The following FAM200B variants were observed in gnomAD, a reference collection of about 807,000 sequenced individuals.
FAM200B encodes zinc finger BED-type containing 11.
In FAM200B, 32 loss-of-function variants were observed where a neutral mutation model predicts 33.1. The observed-to-expected ratio is 0.97, with a 90% CI of 0.73 to 1.30. The LOEUF (loss-of-function observed/expected upper bound fraction) is 1.30, where lower values mean the gene tolerates loss of function less well. FAM200B is among the 50% of genes most tolerant of loss of function. The pLI, the probability that FAM200B is intolerant of heterozygous loss-of-function variation, is 0.00. For synonymous variants in FAM200B, 240 were observed against 264.8 expected (o/e 0.91, Z 0.91); for missense variants, 741 against 754.0 (o/e 0.98, Z 0.20).
In FAM200B at chr4:15,688,498, G is replaced by A; in HGVS notation, c.1521G>A (p.Glu507=). The A allele has an allele frequency of 1.3e-6, 2 of 1,541,022 alleles. No individual in the cohort carries two copies. The highest frequency in any genetic ancestry group is 1.8e-6 in the Non-Finnish European group (2 of 1,138,756). The part of the protein sequence containing the change: ...NENILKEIKL[E]ILLHLTSLSQ... The stretch of plus-strand genomic sequence containing the variant: ...ACATTTTGAAAGAAATAAAATTAGA[G>A]ATATTGTTGCATCTCACTTCTCTGT... The change falls in exon 2 of 2, where the codon GAG becomes GAA. Residue 507 remains glutamate (E), a synonymous_variant. Coordinates refer to ENST00000422728, the MANE Select transcript of FAM200B (RefSeq NM_001145191.2).
chr4:15,647,249 A>C, the FAM200B span, among the ~76,000 whole-genome samples: 2 of 114,260 alleles, frequency 1.8e-5, no homozygotes, highest in Non-Finnish European at 3.4e-5. Context: ...AAAAAGAAAG[A>C]AAATGTTGAA....
the FAM200B span, among the ~76,000 whole-genome samples, chr4:15,654,594 G>C: frequency 2.0e-5 from 3 of 152,362 alleles, 1 homozygote; most frequent in Non-Finnish European, 4.4e-5. Context: ...CACATGAAGA[G>C]TGAAGGTTCT....
At position 15,687,589 on chromosome 4, in the gene FAM200B, T is replaced by C. The variant is rs534670719; in HGVS notation, c.612T>C (p.Ile204=). The C allele has an allele frequency of 6.4e-7, 1 of 1,550,864 alleles. No individual in the cohort carries two copies. The highest frequency in any genetic ancestry group is 1.4e-5 in the African/African-American group (1 of 73,148). The change falls in exon 2 of 2, where the codon ATT becomes ATC. Residue 204 remains isoleucine, a synonymous_variant. Coordinates refer to ENST00000422728, the MANE Select transcript of FAM200B (RefSeq NM_001145191.2). ...ATGATAACACAGTATCTCTTCGAAT[T>C]TGTACTATTGCAGAACATTTAGAAA... ...IPNDNTVSLR[I]CTIAEHLETM...
At chr4:15,679,148 C>T (rs963605709), upstream of FAM200B, among the ~76,000 whole-genome samples, 2 of 151,044 alleles carry the variant, frequency 1.3e-5, no homozygotes, top group East Asian at 1.9e-4. Context: ...CTGCAACCTC[C>T]GCCTCCTGGG....
chr4:15,640,940 T>C, the FAM200B span: 1 of 956,228 alleles, frequency 1.0e-6, no homozygotes, highest in South Asian at 1.7e-5. Context: ...TAATTATGTC[T>C]GGTCCCAGGA....
At position 15,689,389 on chromosome 4, in the gene FAM200B, G is replaced by C. The variant is rs1719199257; in HGVS notation, c.*438G>C. ...CAGTGGACTAGAGAACAGTTGAAGG[G>C]TTTAAGCGAAGGAGAGAAATGATCT... On this transcript the variant is annotated 3_prime_UTR_variant, in exon 2 of 2. Transcript: ENST00000422728. 6.0e-6 allele frequency: 1 copy of C among 167,718 alleles called. No individual in the cohort carries two copies. The allele number at this position is 167,718 out of a possible 1,614,324, so 10.4% of individuals were successfully genotyped here. A position where few individuals can be genotyped will look rare whatever the true frequency, so the allele number is the denominator to read the frequency against.
At chr4:15,637,491 G>A in the FAM200B span, among the ~76,000 whole-genome samples, 1 of 152,102 alleles carries the variant, frequency 6.6e-6, no homozygotes, top group African/African-American at 2.4e-5. Flanking sequence ...CTTAAATATA[G>A]AAATGCTATG....
chr4:15,655,438 G>A, the FAM200B span: 7 of 982,670 alleles, frequency 7.1e-6, no homozygotes, highest in African/African-American at 3.6e-5. Flanking sequence ...GGACGCGGGG[G>A]CGCGCAGGCC....
chr4:15,687,302 A>T lies in FAM200B; in HGVS notation c.325A>T (p.Thr109Ser). The T allele has an allele frequency of 6.5e-7, 1 of 1,546,458 alleles. No homozygotes were observed. Among genetic ancestry groups the T allele is most frequent in the Non-Finnish European group, 8.7e-7 (1 of 1,143,924 alleles). Residue 109 changes from threonine to serine, a missense_variant, in exon 2 of 2, where the codon ACT (threonine) becomes TCT (serine). Coordinates refer to ENST00000422728, the MANE Select transcript of FAM200B (RefSeq NM_001145191.2). ...KPSKLKRHLETQHAELIDKPL... is the reference protein window; with the variant it reads ...KPSKLKRHLESQHAELIDKPL... The stretch of plus-strand genomic sequence containing the variant: ...TTCGAAATTAAAAAGGCACTTAGAA[A>T]CTCAGCATGCTGAACTTATTGATAA...
chr4:15,645,247 T>A, the FAM200B span, among the ~76,000 whole-genome samples: 3 of 152,106 alleles, frequency 2.0e-5, no homozygotes, highest in Non-Finnish European at 1.5e-5. Flanking sequence ...ACAGATGACA[T>A]AGAAGCTCCT....
chr4:15,643,637 C>T, the FAM200B span, among the ~76,000 whole-genome samples: 6 of 152,168 alleles, frequency 3.9e-5, no homozygotes, highest in African/African-American at 2.4e-5. Flanking sequence ...GAACTCCTGA[C>T]CTCAAGTGAT....
chr4:15,644,779 A>G, the FAM200B span: 1 of 1,103,402 alleles, frequency 9.1e-7, no homozygotes, highest in Non-Finnish European at 1.3e-6. Context: ...ATATTCAAAT[A>G]CATCCCTATT....
At chr4:15,672,544 T>C in the FAM200B span, among the ~76,000 whole-genome samples, 1 of 152,172 alleles carries the variant, frequency 6.6e-6, no homozygotes, top group Admixed American at 6.5e-5. Flanking sequence ...TATCTAAACA[T>C]AGAAAAGTTA....
chr4:15,646,620 T>C, the FAM200B span, among the ~76,000 whole-genome samples: 2 of 152,096 alleles, frequency 1.3e-5, no homozygotes, highest in Non-Finnish European at 2.9e-5. Flanking sequence ...TATGTATACA[T>C]GTGCCATGTT....
the FAM200B span, among the ~76,000 whole-genome samples, chr4:15,646,594 G>A: frequency 7.2e-5 from 11 of 151,796 alleles, no homozygotes; most frequent in South Asian, 2.1e-4. Context: ...TGTGCACAAC[G>A]TGCAGGTTTG....
intron 1 of FAM200B, among the ~76,000 whole-genome samples, chr4:15,683,981 A>T (rs1017773339): frequency 6.6e-6 from 1 of 152,254 alleles, no homozygotes; most frequent in African/African-American, 2.4e-5. Context: ...ATATCATATA[A>T]CCGTGTTAAT....
At chr4:15,637,125 C>A in the FAM200B span, among the ~76,000 whole-genome samples, 1 of 152,190 alleles carries the variant, frequency 6.6e-6, no homozygotes, top group Non-Finnish European at 1.5e-5. Context: ...ATTATGACTC[C>A]TGTCAATAAT....
chr4:15,640,035 T>C, the FAM200B span, among the ~76,000 whole-genome samples: 1 of 152,126 alleles, frequency 6.6e-6, no homozygotes. Flanking sequence ...CTTAAGATAA[T>C]AAATGTTTTT....
chr4:15,684,945 T>TG (rs1718688460), intron 1 of FAM200B: 1 of 152,230 alleles, frequency 6.6e-6, no homozygotes. Flanking sequence ...CTCTCCCAGA[T>TG]GCACACCTTT....
Sources: allele counts gnomAD v4.1 joint callset (sites outside exome capture counted in the v4.1 genomes callset), GRCh38; gene constraint gnomAD v4.1.1; transcripts MANE v1.5; gene names NCBI Gene and HGNC (gene_info 2026-07-23, HGNC 2026-07-21).